The following FUT8 variants were observed in gnomAD, a reference collection of about 807,000 sequenced individuals.
The protein encoded by FUT8 is fucosyltransferase 8.
A neutral mutation model predicts 71.3 loss-of-function variants in FUT8; 29 were observed. The observed-to-expected ratio is 0.41, with a 90% CI of 0.30 to 0.55. The LOEUF is 0.55. Ranked by LOEUF, FUT8 falls within the 20% of genes least tolerant of loss-of-function variation. The pLI is 0.34. For missense variants in FUT8, 544 were observed against 702.1 expected (o/e 0.77, Z 2.55); for synonymous variants, 254 against 239.3 (o/e 1.06, Z -0.57).
At chr14:65,539,965 T>C (rs988900945) in intron 2 of FUT8, among the ~76,000 whole-genome samples, 3 of 152,216 alleles carry the variant, frequency 2.0e-5, no homozygotes, top group Non-Finnish European at 4.4e-5. Context: ...TCCCAGATCA[T>C]GTGCAAGATA....
chr14:65,600,534 G>T (rs1467016369), intron 3 of FUT8, among the ~76,000 whole-genome samples: 1 of 152,156 alleles, frequency 6.6e-6, no homozygotes, highest in African/African-American at 2.4e-5. Flanking sequence ...TTAAATATCA[G>T]TAGGGGATGG....
At chr14:65,563,684 A>T (rs994001417) in intron 3 of FUT8, among the ~76,000 whole-genome samples, 1 of 152,038 alleles carries the variant, frequency 6.6e-6, no homozygotes, top group Non-Finnish European at 1.5e-5. Context: ...CTTATAAATA[A>T]TTGCTCACTT....
At chr14:65,692,496 G>T (rs1893704890) in intron 7 of FUT8, among the ~76,000 whole-genome samples, 1 of 78,696 alleles carries the variant, frequency 1.3e-5, no homozygotes, top group Admixed American at 1.2e-4. Flanking sequence ...CGGCTGGCCG[G>T]GCGGGGGGCT....
intron 10 of FUT8, among the ~76,000 whole-genome samples, chr14:65,737,195 T>C (rs1896258565): frequency 6.6e-6 from 1 of 152,120 alleles, no homozygotes; most frequent in African/African-American, 2.4e-5. Flanking sequence ...TCTTCTTCAA[T>C]GAAAAGGTTT....
chr14:65,554,686 T>C (rs1387038481), intron 2 of FUT8, among the ~76,000 whole-genome samples: 2 of 152,136 alleles, frequency 1.3e-5, no homozygotes, highest in African/African-American at 2.4e-5. Context: ...AATCAGAAAC[T>C]TGAAATTCCT....
chr14:65,573,527 A>G (rs1886597418), intron 3 of FUT8, among the ~76,000 whole-genome samples: 1 of 152,124 alleles, frequency 6.6e-6, no homozygotes, highest in Admixed American at 6.6e-5. Flanking sequence ...GAAATTGCAA[A>G]GCTTAGCGAA....
chr14:65,464,188 T>C (rs1191553479), intron 2 of FUT8, among the ~76,000 whole-genome samples: 1 of 151,916 alleles, frequency 6.6e-6, no homozygotes, highest in East Asian at 1.9e-4. Flanking sequence ...TTCCCAAATA[T>C]CTCCCCCTTT....
intron 7 of FUT8, among the ~76,000 whole-genome samples, chr14:65,677,834 G>T (rs528214041): frequency 6.6e-5 from 10 of 152,252 alleles, no homozygotes; most frequent in African/African-American, 1.9e-4. Flanking sequence ...TGTAAAAAAG[G>T]TAGTGTCATA....
At chr14:65,499,331 T>G (rs189240839) in intron 2 of FUT8, among the ~76,000 whole-genome samples, 1 of 152,274 alleles carries the variant, frequency 6.6e-6, no homozygotes, top group East Asian at 1.9e-4. Context: ...TGTTTGGGGA[T>G]GGTGTTGATA....
chr14:65,379,368 A>T, the FUT8 span, among the ~76,000 whole-genome samples: 1 of 151,874 alleles, frequency 6.6e-6, no homozygotes, highest in Non-Finnish European at 1.5e-5. Flanking sequence ...TGTCTCTACT[A>T]AAAATAGAAA....
intron 2 of FUT8, among the ~76,000 whole-genome samples, chr14:65,516,950 G>T (rs1212643505): frequency 6.6e-6 from 1 of 150,518 alleles, no homozygotes; most frequent in Non-Finnish European, 1.5e-5. Context: ...TATCTCGTAT[G>T]AGTGGAACCA....
intron 1 of FUT8, among the ~76,000 whole-genome samples, chr14:65,429,824 A>T (rs1240863569): frequency 7.6e-6 from 1 of 132,076 alleles, no homozygotes; most frequent in African/African-American, 2.8e-5. Context: ...AGATTGTACC[A>T]CTGCGCTCCA....
the FUT8 span, among the ~76,000 whole-genome samples, chr14:65,373,827 G>C: frequency 1.3e-5 from 2 of 152,240 alleles, no homozygotes; most frequent in African/African-American, 2.4e-5. Flanking sequence ...AAACAGTGTA[G>C]AGATGGTCTT....
At chr14:65,393,532 T>G in the FUT8 span, among the ~76,000 whole-genome samples, 14 of 152,208 alleles carry the variant, frequency 9.2e-5, no homozygotes, top group African/African-American at 3.4e-4. Context: ...GGTGGATTTT[T>G]TTCAATGAAT....
intron 1 of FUT8, among the ~76,000 whole-genome samples, chr14:65,419,347 A>G (rs2065261102): frequency 6.6e-6 from 1 of 152,210 alleles, no homozygotes; most frequent in African/African-American, 2.4e-5. Context: ...AACTATGTTC[A>G]TTGAAGAGAA....
intron 2 of FUT8, among the ~76,000 whole-genome samples, chr14:65,509,523 T>A (rs910428603): frequency 1.3e-5 from 2 of 152,172 alleles, no homozygotes; most frequent in African/African-American, 4.8e-5. Context: ...ATGGACGTTT[T>A]AACAATATTG....
At chr14:65,703,659 C>G (rs1894424140) in intron 7 of FUT8, among the ~76,000 whole-genome samples, 1 of 152,122 alleles carries the variant, frequency 6.6e-6, no homozygotes, top group Non-Finnish European at 1.5e-5. Flanking sequence ...GCAGAGGCAG[C>G]TGGGGAAGAA....
At chr14:65,537,110 A>T (rs1884369400) in intron 2 of FUT8, among the ~76,000 whole-genome samples, 1 of 151,090 alleles carries the variant, frequency 6.6e-6, no homozygotes, top group South Asian at 2.1e-4. Flanking sequence ...CAGATCAATT[A>T]TGTTTTTTCT....
At chr14:65,579,560 C>G (rs999315955) in intron 3 of FUT8, among the ~76,000 whole-genome samples, 2 of 152,122 alleles carry the variant, frequency 1.3e-5, no homozygotes, top group Non-Finnish European at 2.9e-5. Flanking sequence ...TAGGTAATTG[C>G]TGTATTTCAT....
Sources: gnomAD v4.1 joint callset for allele counts (sites outside exome capture counted in the v4.1 genomes callset) on GRCh38, gnomAD v4.1.1 for gene constraint, MANE v1.5 for transcripts, NCBI Gene and HGNC (gene_info 2026-07-23, HGNC 2026-07-21) for gene names.